The following CNTNAP5 variants were observed in gnomAD, a reference collection of about 807,000 sequenced individuals.
CNTNAP5 encodes the protein contactin-associated protein-like 5.
Under a neutral mutation model 150.2 loss-of-function variants are expected in CNTNAP5, and 72 were observed. The ratio of observed to expected loss-of-function variants is 0.48; its 90% CI spans 0.40 to 0.58. The LOEUF (loss-of-function observed/expected upper bound fraction) is 0.58. Among genes scored for constraint, CNTNAP5 ranks in the 20% least tolerant of loss-of-function variants. The probability of loss-of-function intolerance (pLI) is 0.00; values close to 1 mark genes in which losing one functional copy is unlikely to be tolerated. For synonymous variants in CNTNAP5, 672 were observed against 619.8 expected (o/e 1.08, Z -1.25); for missense variants, 1,636 against 1,626.2 (o/e 1.01, Z -0.10).
chr2:124,805,162 T>A (rs1352741906), intron 19 of CNTNAP5, among the ~76,000 whole-genome samples: 1 of 152,072 alleles, frequency 6.6e-6, no homozygotes. Flanking sequence ...GTACAGGGTG[T>A]CCTCTTGAAA....
At chr2:124,874,627 ATTAAG>A (rs1677816914) in intron 21 of CNTNAP5, among the ~76,000 whole-genome samples, 1 of 152,050 alleles carries the variant, frequency 6.6e-6, no homozygotes, top group African/African-American at 2.4e-5. Context: ...GAAATTAAGA[ATTAAG>A]TTATTATTAT....
intron 4 of CNTNAP5, among the ~76,000 whole-genome samples, chr2:124,419,978 T>C (rs868442129): frequency 2.6e-5 from 3 of 114,820 alleles, no homozygotes; most frequent in African/African-American, 6.3e-5. Context: ...CTCTCTTTCT[T>C]TCTTTCTTTC....
intron 10 of CNTNAP5, among the ~76,000 whole-genome samples, chr2:124,559,306 A>G (rs1229353423): frequency 6.6e-6 from 1 of 151,560 alleles, no homozygotes; most frequent in Non-Finnish European, 1.5e-5. Context: ...CTTTCTTTCA[A>G]TCCTTTATCT....
chr2:124,115,703 A>AGGT (rs1683411666), intron 1 of CNTNAP5, among the ~76,000 whole-genome samples: 1 of 130,646 alleles, frequency 7.7e-6, no homozygotes, highest in African/African-American at 3.0e-5. Context: ...GGTTGACGTG[A>AGGT]GGTGGTACGA....
intron 1 of CNTNAP5, among the ~76,000 whole-genome samples, chr2:124,198,110 G>A (rs1293478266): frequency 6.6e-6 from 1 of 151,864 alleles, no homozygotes; most frequent in Non-Finnish European, 1.5e-5. Flanking sequence ...GTGTGAAATG[G>A]CATTTCATTT....
chr2:124,236,519 A>G (rs546911634), intron 2 of CNTNAP5, among the ~76,000 whole-genome samples: 1 of 152,292 alleles, frequency 6.6e-6, no homozygotes, highest in East Asian at 1.9e-4. Flanking sequence ...ATGTCTGTGA[A>G]TGTTGTTATT....
At chr2:124,128,314 C>T (rs959163581) in intron 1 of CNTNAP5, among the ~76,000 whole-genome samples, 10 of 152,154 alleles carry the variant, frequency 6.6e-5, no homozygotes, top group African/African-American at 1.7e-4. Context: ...CGAAAAAATG[C>T]TCATCATCAC....
chr2:124,578,049 C>G (rs1696329863), intron 11 of CNTNAP5, among the ~76,000 whole-genome samples: 2 of 151,434 alleles, frequency 1.3e-5, no homozygotes, highest in Middle Eastern at 6.8e-3. Flanking sequence ...GTGGCTCATG[C>G]CTGTAATCCC....
chr2:124,189,291 T>G (rs1685406636), intron 1 of CNTNAP5, among the ~76,000 whole-genome samples: 2 of 152,154 alleles, frequency 1.3e-5, no homozygotes, highest in Admixed American at 6.5e-5. Context: ...TTCTGAATAC[T>G]TAATATTATT....
chr2:124,191,376 T>G (rs1685453516), intron 1 of CNTNAP5, among the ~76,000 whole-genome samples: 1 of 152,182 alleles, frequency 6.6e-6, no homozygotes, highest in Admixed American at 6.6e-5. Flanking sequence ...CCACTATGCT[T>G]CTTTAAGAGG....
At chr2:124,264,167 G>C (rs1687537939) in intron 3 of CNTNAP5, among the ~76,000 whole-genome samples, 1 of 152,090 alleles carries the variant, frequency 6.6e-6, no homozygotes, top group African/African-American at 2.4e-5. Context: ...CTGTCTGGAT[G>C]CTCAAACCGT....
At chr2:124,591,324 G>A (rs1573480417) in intron 11 of CNTNAP5, among the ~76,000 whole-genome samples, 2 of 152,146 alleles carry the variant, frequency 1.3e-5, no homozygotes, top group African/African-American at 4.8e-5. Flanking sequence ...GTAAGATGTA[G>A]CAAGTCATTT....
At chr2:124,157,366 G>A (rs541164553) in intron 1 of CNTNAP5, among the ~76,000 whole-genome samples, 1 of 152,254 alleles carries the variant, frequency 6.6e-6, no homozygotes, top group South Asian at 2.1e-4. Flanking sequence ...TTTGGCATTG[G>A]TGTTTGGCTT....
chr2:124,678,641 G>A (rs1397032496), intron 13 of CNTNAP5, among the ~76,000 whole-genome samples: 1 of 151,830 alleles, frequency 6.6e-6, no homozygotes, highest in African/African-American at 2.4e-5. Context: ...AGAAAAGTGG[G>A]AACTACAGCA....
At chr2:124,082,280 C>T (rs572730891) in intron 1 of CNTNAP5, among the ~76,000 whole-genome samples, 13 of 134,636 alleles carry the variant, frequency 9.7e-5, no homozygotes, top group African/African-American at 2.0e-4. Context: ...ACCCGGGAGG[C>T]GGAGGTTGCA....
At position 124,485,946 on chromosome 2, in the gene CNTNAP5, CACT is replaced by C. The variant is rs376169180; in HGVS notation, c.1062+11069_1062+11071del. ...CCGCTACCGTTTGATTGAGCAATTTCACTACTAGGTGTCTACCCAGAGGAAAAT... is the reference window on the plus strand; with the variant it reads ...CCGCTACCGTTTGATTGAGCAATTTCACTAGGTGTCTACCCAGAGGAAAAT... On this transcript the variant is annotated intron_variant, in intron 7 of 23. Transcript: ENST00000682447. 1.2e-3 allele frequency among the ~76,000 whole-genome samples: 188 copies of C among 152,296 alleles called. 1 individual carries two copies. The highest frequency in any genetic ancestry group is 4.5e-3 in the African/African-American group (186 of 41,568).
chr2:124,436,415 A>G (rs1417195824), intron 5 of CNTNAP5, among the ~76,000 whole-genome samples: 1 of 152,044 alleles, frequency 6.6e-6, no homozygotes, highest in Non-Finnish European at 1.5e-5. Context: ...TTTATTTATT[A>G]TGTGATTTAT....
chr2:124,664,325 G>GAAA (rs34108388), intron 13 of CNTNAP5, among the ~76,000 whole-genome samples: 46 of 106,186 alleles, frequency 4.3e-4, no homozygotes, highest in African/African-American at 1.3e-3. Context: ...CCTGTCTCAA[G>GAAA]AAAAAAAAAA....
At chr2:124,796,947 A>C (rs946359815) in intron 18 of CNTNAP5, among the ~76,000 whole-genome samples, 3 of 152,222 alleles carry the variant, frequency 2.0e-5, no homozygotes, top group African/African-American at 7.2e-5. Flanking sequence ...ATCTAAGGAG[A>C]GTATCTCAGC....
Sources: allele counts gnomAD v4.1 joint callset (sites outside exome capture counted in the v4.1 genomes callset), GRCh38; gene constraint gnomAD v4.1.1; transcripts MANE v1.5; gene names NCBI Gene and HGNC (gene_info 2026-07-23, HGNC 2026-07-21).